FAHD2A: variants seen among roughly 807,000 people sequenced by gnomAD.
The protein encoded by FAHD2A is oxaloacetate tautomerase FAHD2A, mitochondrial.
In FAHD2A, 27 loss-of-function variants were observed where a neutral mutation model predicts 33.4. The observed-to-expected ratio is 0.81, with a 90% CI of 0.60 to 1.11. FAHD2A has a LOEUF of 1.11. Ranked by LOEUF, FAHD2A falls within the 50% of genes most tolerant of loss-of-function variation. FAHD2A has a pLI of 0.00. For missense variants in FAHD2A, 296 were observed against 395.0 expected (o/e 0.75, Z 2.12); for synonymous variants, 130 against 153.3 (o/e 0.85, Z 1.12).
chr2:95,408,428 A>G (rs1573562084), intron 3 of FAHD2A, among the ~76,000 whole-genome samples: 1 of 152,172 alleles, frequency 6.6e-6, no homozygotes, highest in East Asian at 1.9e-4. Flanking sequence ...CATGCTGCTG[A>G]TAAAGACATA....
chr2:95,405,511 C>G lies in FAHD2A; in HGVS notation c.-6-42C>G, dbSNP rs769736382. 7 of 1,571,664 alleles carry G rather than the reference C, an allele frequency of 4.5e-6. No homozygotes were observed. In the East Asian group the frequency reaches 1.6e-4, roughly 35 times the overall value. ...AATTTCAGGGAACCTGATGATGGCT[C>G]TGGGATCCTCTGTCTCCTGGATCCT... On this transcript the variant is annotated intron_variant, in intron 1 of 7. Transcript: ENST00000233379.
Position 95,414,021 on chromosome 2 carries a change from A to T in FAHD2A, c.*1064A>T, listed in dbSNP as rs1368290171. The T allele has an allele frequency of 3.4e-6, 5 of 1,451,806 alleles. No individual in the cohort carries two copies. In the East Asian group the frequency reaches 1.1e-4, roughly 33 times the overall value. The allele number at this position is 1,451,806 out of a possible 1,614,324, so 89.9% of individuals were successfully genotyped here. On this transcript the variant is annotated 3_prime_UTR_variant, in exon 8 of 8. Transcript: ENST00000233379. Reference sequence around the variant, plus strand: ...AAGCTTTGGGTCTGCACACTCTGGAAAGAAGAGAGAAGTGAAGGCTCTAGG... The same window carrying T: ...AAGCTTTGGGTCTGCACACTCTGGATAGAAGAGAGAAGTGAAGGCTCTAGG...
chr2:95,419,160 G>A (rs1228451472), downstream of FAHD2A, among the ~76,000 whole-genome samples: 1 of 152,102 alleles, frequency 6.6e-6, no homozygotes, highest in African/African-American at 2.4e-5. Context: ...AAGATTGCAA[G>A]AGAATGAATT....
rs373080650 is a variant in FAHD2A, at chr2:95,410,553, C to T, written c.489C>T (p.Ala163=). ...SQEVDWEVEL[A]VVIGKKGKHI... Reference sequence around the variant, plus strand: ...AGGTAGATTGGGAAGTGGAGCTGGCCGTGGTCATTGGAAAGAAAGGCAAGC... The same window carrying T: ...AGGTAGATTGGGAAGTGGAGCTGGCTGTGGTCATTGGAAAGAAAGGCAAGC... The change falls in exon 4 of 8, where the codon GCC becomes GCT. Residue 163 remains alanine, a synonymous_variant. Coordinates refer to ENST00000233379, the MANE Select transcript of FAHD2A (RefSeq NM_016044.3). 2.4e-5 allele frequency: 38 copies of T among 1,612,578 alleles called. No individual in the cohort carries two copies. The highest frequency in any genetic ancestry group is 4.0e-5 in the African/African-American group (3 of 74,876).
At position 95,414,978 on chromosome 2, in the gene FAHD2A, C is replaced by T. The variant is rs1271969160; in HGVS notation, c.*2021C>T. ...CAAAGGTAGAGACGGAGCCCTCCAC[C>T]CCTCTCACACACTCATCCTCACACC... On this transcript the variant is annotated 3_prime_UTR_variant, in exon 8 of 8. Coordinates refer to ENST00000233379, the MANE Select transcript of FAHD2A (RefSeq NM_016044.3). 6.6e-6 allele frequency: 1 copy of T among 152,176 alleles called. No individual in the cohort carries two copies. Among genetic ancestry groups the T allele is most frequent in the African/African-American group, 2.4e-5 (1 of 41,408 alleles). 9.4% of individuals were successfully genotyped at this position (152,176 alleles called of 1,614,324 possible). A position where few individuals can be genotyped will look rare whatever the true frequency, so the allele number is the denominator to read the frequency against.
Position 95,413,737 on chromosome 2 carries a change from G to A in FAHD2A, c.*780G>A, listed in dbSNP as rs1403403354. On this transcript the variant is annotated 3_prime_UTR_variant, in exon 8 of 8. Coordinates refer to ENST00000233379, the MANE Select transcript of FAHD2A (RefSeq NM_016044.3). ...AGCAGCCCCAATACCCCACCTAGAA[G>A]GATGAGCCAGTGATTTGGGAGACCA... 14 of 751,470 alleles carry A rather than the reference G, an allele frequency of 1.9e-5. No homozygotes were observed. Among genetic ancestry groups the A allele is most frequent in the South Asian group, 9.6e-5 (5 of 52,240 alleles). 46.6% of individuals were successfully genotyped at this position (751,470 alleles called of 1,614,324 possible). A position where few individuals can be genotyped will look rare whatever the true frequency, so the allele number is the denominator to read the frequency against.
At chr2:95,417,026 A>G (rs1302414462), downstream of FAHD2A, among the ~76,000 whole-genome samples, 3 of 152,190 alleles carry the variant, frequency 2.0e-5, no homozygotes, top group Non-Finnish European at 4.4e-5. Flanking sequence ...TCCCACCAAC[A>G]CACTGCAGGC....
chr2:95,405,667 C>T lies in FAHD2A; in HGVS notation c.109C>T (p.Leu37=). 6.2e-7 allele frequency: 1 copy of T among 1,614,170 alleles called. No homozygotes were observed. Among genetic ancestry groups the T allele is most frequent in the Non-Finnish European group, 8.5e-7 (1 of 1,180,038 alleles). ...ACTAGTGCAGTTCCGGGCACCCCAC[C>T]TGGTGGGGCCTCACTTGGGCCTGGA... ...MRLVQFRAPH[L]VGPHLGLETG... The change falls in exon 2 of 8, where the codon CTG becomes TTG. Residue 37 remains leucine, a synonymous_variant. Coordinates refer to ENST00000233379, the MANE Select transcript of FAHD2A (RefSeq NM_016044.3).
downstream of FAHD2A, among the ~76,000 whole-genome samples, chr2:95,420,276 A>G (rs1384250505): frequency 1.3e-5 from 2 of 152,096 alleles, no homozygotes; most frequent in African/African-American, 4.8e-5. Flanking sequence ...CATAAAATTA[A>G]CCATCACAGA....
downstream of FAHD2A, among the ~76,000 whole-genome samples, chr2:95,417,441 G>A (rs567378881): frequency 2.6e-3 from 401 of 152,116 alleles, 1 homozygote; most frequent in African/African-American, 9.0e-3. Flanking sequence ...TGGCTATTTG[G>A]GAGGCTCTCT....
chr2:95,408,695 G>A (rs780313911), intron 3 of FAHD2A, among the ~76,000 whole-genome samples: 13 of 152,188 alleles, frequency 8.5e-5, no homozygotes, highest in African/African-American at 1.2e-4. Context: ...CACCGGGTCC[G>A]TCCCATAGCA....
chr2:95,405,349 G>A (rs1350407109), intron 1 of FAHD2A: 46 of 621,344 alleles, frequency 7.4e-5, no homozygotes, highest in Non-Finnish European at 7.6e-5. Flanking sequence ...GACTTACTGC[G>A]TAGCATGTAG....
chr2:95,412,147 T>A (rs1682620970), intron 5 of FAHD2A, among the ~76,000 whole-genome samples: 2 of 152,020 alleles, frequency 1.3e-5, no homozygotes, highest in South Asian at 4.2e-4. Flanking sequence ...CCTTATTTTT[T>A]TCAAGGCAAA....
chr2:95,413,443 TCA>T lies in FAHD2A; in HGVS notation c.*489_*490del, dbSNP rs1293857788. 1.2e-5 allele frequency: 20 copies of T among 1,607,762 alleles called. No homozygotes were observed. The African/African-American group carries it at 2.4e-4, about 19-fold the overall frequency. On this transcript the variant is annotated 3_prime_UTR_variant, in exon 8 of 8. Coordinates refer to ENST00000233379, the MANE Select transcript of FAHD2A (RefSeq NM_016044.3). ...CAGAAGTCTCAGCACAGGCTCCTTC[TCA>T]CAGTTCTAGCTACAAGTGAACTGCC...
In FAHD2A at chr2:95,405,666, C is replaced by G. The variant is rs375727090; in HGVS notation, c.108C>G (p.His36Gln). 6 of 1,614,146 alleles carry G rather than the reference C, an allele frequency of 3.7e-6. No individual in the cohort carries two copies. The highest frequency in any genetic ancestry group is 5.1e-6 in the Non-Finnish European group (6 of 1,180,036). The change falls in exon 2 of 8, where the codon CAC becomes CAG. Residue 36 changes from histidine (H) to glutamine (Q), a missense_variant. Physicochemically the swap from His to Gln is conservative, Grantham distance 24 (BLOSUM62 0). Transcript: ENST00000233379. Reference protein sequence around the residue: ...DMRLVQFRAPHLVGPHLGLET... With the variant: ...DMRLVQFRAPQLVGPHLGLET... ...GACTAGTGCAGTTCCGGGCACCCCA[C>G]CTGGTGGGGCCTCACTTGGGCCTGG... is the stretch of plus-strand genomic sequence containing the variant.
rs1444138543 is a variant in FAHD2A, at chr2:95,415,707, A to G, written c.*2750A>G. The G allele has an allele frequency of 1.3e-5, 2 of 152,626 alleles. No homozygotes were observed. The highest frequency in any genetic ancestry group is 2.9e-5 in the Non-Finnish European group (2 of 68,070). 9.5% of individuals were successfully genotyped at this position (152,626 alleles called of 1,614,324 possible). On this transcript the variant is annotated 3_prime_UTR_variant, in exon 8 of 8. Coordinates refer to ENST00000233379, the MANE Select transcript of FAHD2A (RefSeq NM_016044.3). ...CAGCTCTGGTTGTGGAAGGGCTGGCACCAAGGAGCTGCGAGCTTACCTCAA... is the reference window on the plus strand; with the variant it reads ...CAGCTCTGGTTGTGGAAGGGCTGGCGCCAAGGAGCTGCGAGCTTACCTCAA...
At chr2:95,418,475 C>T (rs942076899), downstream of FAHD2A, among the ~76,000 whole-genome samples, 5 of 151,802 alleles carry the variant, frequency 3.3e-5, no homozygotes, top group African/African-American at 7.3e-5. Context: ...AAGGCCCCAA[C>T]ATTAAAAATG....
chr2:95,403,324 T>C (rs1351242471), intron 1 of FAHD2A, among the ~76,000 whole-genome samples: 1 of 152,084 alleles, frequency 6.6e-6, no homozygotes, highest in African/African-American at 2.4e-5. Flanking sequence ...CCTGAGGAGA[T>C]TGCTGTAAGG....
intron 2 of FAHD2A, 82 bp from the exon 3 acceptor site, chr2:95,406,859 G>C (rs1328183038): frequency 2.7e-6 from 4 of 1,473,912 alleles, no homozygotes; most frequent in African/African-American, 1.4e-5. Context: ...AAAACCTGTA[G>C]CTGCTGCAGG....
Sources: gnomAD v4.1 joint callset for allele counts (sites outside exome capture counted in the v4.1 genomes callset) on GRCh38, gnomAD v4.1.1 for gene constraint, MANE v1.5 for transcripts, NCBI Gene and HGNC (gene_info 2026-07-23, HGNC 2026-07-21) for gene names.